The following MAP2K5 variants were observed in gnomAD, a reference collection of about 807,000 sequenced individuals.
MAP2K5 encodes dual specificity mitogen-activated protein kinase kinase 5.
In MAP2K5, 49 loss-of-function variants were observed where a neutral mutation model predicts 83.1. That is an observed-to-expected ratio of 0.59 (90% confidence interval 0.47 to 0.75). MAP2K5 has a LOEUF of 0.75. Ranked by LOEUF, MAP2K5 falls within the 30% of genes least tolerant of loss-of-function variation. MAP2K5 has a pLI of 0.00. For synonymous variants in MAP2K5, 202 were observed against 191.8 expected (o/e 1.05, Z -0.44); for missense variants, 457 against 557.5 (o/e 0.82, Z 1.82).
chr15:67,596,952 A>G (rs1421944287), intron 7 of MAP2K5, among the ~76,000 whole-genome samples: 1 of 152,180 alleles, frequency 6.6e-6, no homozygotes, highest in African/African-American at 2.4e-5. Context: ...CGGGCGGATC[A>G]CGAGGTCAGG....
rs369780854 is a variant in MAP2K5, at chr15:67,543,329, A to G, written c.-7A>G. The G allele has an allele frequency of 4.0e-5, 65 of 1,613,850 alleles. No homozygotes were observed. The East Asian group carries it at 1.3e-3, about 33-fold the overall frequency. ...ATACCCCAGGATGTGAGCCTCTTTAACCTGTAATGCTGTGGCTAGCCCTTG... is the reference window on the plus strand; with the variant it reads ...ATACCCCAGGATGTGAGCCTCTTTAGCCTGTAATGCTGTGGCTAGCCCTTG... On this transcript the variant is annotated 5_prime_UTR_variant, in exon 1 of 22. Coordinates refer to ENST00000178640, the MANE Select transcript of MAP2K5 (RefSeq NM_145160.3). This position sits in a 1 kb window ranked among gnomAD's most constrained non-coding sequence, Gnocchi z 4.3.
In MAP2K5 at chr15:67,543,583, C is replaced by A. The variant is rs2084338259; in HGVS notation, c.135+113C>A. The A allele has an allele frequency of 8.0e-7, 1 of 1,244,768 alleles. No homozygotes were observed. The highest frequency in any genetic ancestry group is 1.4e-5 in the South Asian group (1 of 73,888). 77.1% of individuals were successfully genotyped at this position (1,244,768 alleles called of 1,614,324 possible). A position where few individuals can be genotyped will look rare whatever the true frequency, so the allele number is the denominator to read the frequency against. Reference sequence around the variant, plus strand: ...AGTGGCAATGGCTACTGCTGGCTTCCTGTGGAGGCAGTTTTATTGCTTCAG... The same window carrying A: ...AGTGGCAATGGCTACTGCTGGCTTCATGTGGAGGCAGTTTTATTGCTTCAG... On this transcript the variant is annotated intron_variant, in intron 1 of 21. Coordinates refer to ENST00000178640, the MANE Select transcript of MAP2K5 (RefSeq NM_145160.3). The surrounding 1 kb of genome is among the most constrained non-coding windows in gnomAD (Gnocchi z 4.3).
intron 8 of MAP2K5, among the ~76,000 whole-genome samples, chr15:67,617,134 C>T (rs1018840101): frequency 6.6e-6 from 1 of 152,068 alleles, no homozygotes; most frequent in Non-Finnish European, 1.5e-5. Flanking sequence ...GGGGTATTTC[C>T]GTGCTCATTT....
At position 67,770,040 on chromosome 15, in the gene MAP2K5, CT is replaced by C. The variant is rs3837739; in HGVS notation, c.1196+379del. ...AACCTCAAGTTACCCATAAAACTGT[CT>C]TGTCACTTAGTGGAAGCAGCATAGT... On this transcript the variant is annotated intron_variant, in intron 20 of 21. Transcript: ENST00000178640. The surrounding 1 kb of genome is among the most constrained non-coding windows in gnomAD (Gnocchi z 5.0). 0.094 allele frequency: 15,497 copies of C among 164,068 alleles called. 853 individuals carry two copies. The highest frequency in any genetic ancestry group is 0.1 in the Admixed American group (1,686 of 16,110). The allele number at this position is 164,068 out of a possible 1,614,324, so 10.2% of individuals were successfully genotyped here. A position where few individuals can be genotyped will look rare whatever the true frequency, so the allele number is the denominator to read the frequency against.
intron 20 of MAP2K5, among the ~76,000 whole-genome samples, chr15:67,771,837 G>A (rs1241478576): frequency 6.6e-6 from 1 of 152,092 alleles, no homozygotes; most frequent in Non-Finnish European, 1.5e-5. Context: ...GCCTTATAAA[G>A]AAAAAAGCAT....
chr15:67,564,125 T>C (rs757158122), intron 3 of MAP2K5, among the ~76,000 whole-genome samples: 3 of 152,218 alleles, frequency 2.0e-5, no homozygotes, highest in East Asian at 1.9e-4. Context: ...AGAAAGAGCA[T>C]TGGACTGGAA....
At chr15:67,581,088 G>T (rs1015057350) in intron 4 of MAP2K5, among the ~76,000 whole-genome samples, 6 of 151,994 alleles carry the variant, frequency 3.9e-5, no homozygotes, top group African/African-American at 1.5e-4. Flanking sequence ...AACTCTTTTG[G>T]GGGTCCACAT....
chr15:67,616,694 C>T (rs538600936), intron 8 of MAP2K5, among the ~76,000 whole-genome samples: 1 of 152,260 alleles, frequency 6.6e-6, no homozygotes, highest in African/African-American at 2.4e-5. Flanking sequence ...TCTACCTGTT[C>T]TCTGAGAGAC....
rs191666637 is a variant in MAP2K5, at chr15:67,704,675, G to A, written c.1044+1267G>A. 1.2e-4 allele frequency among the ~76,000 whole-genome samples: 18 copies of A among 152,286 alleles called. 1 individual carries two copies. The highest frequency in any genetic ancestry group is 4.3e-4 in the African/African-American group (18 of 41,554). The stretch of plus-strand genomic sequence containing the variant: ...TACAATATGTATGCATCAGCTGAGA[G>A]GTTAGCGATAATGGTGGTCAGATCT... On this transcript the variant is annotated intron_variant, in intron 16 of 21. Transcript: ENST00000178640.
At chr15:67,787,821 C>T (rs1226820136) in intron 21 of MAP2K5, among the ~76,000 whole-genome samples, 2 of 152,192 alleles carry the variant, frequency 1.3e-5, no homozygotes, top group Non-Finnish European at 2.9e-5. Flanking sequence ...TAACTGTAGG[C>T]TTTAACTGCA....
At chr15:67,608,957 T>A (rs1341960338) in intron 8 of MAP2K5, among the ~76,000 whole-genome samples, 9 of 152,144 alleles carry the variant, frequency 5.9e-5, no homozygotes, top group Admixed American at 5.9e-4. Flanking sequence ...TTTCAGGAAT[T>A]TACCTGCAGA....
intron 11 of MAP2K5, among the ~76,000 whole-genome samples, chr15:67,646,955 C>T (rs2086845386): frequency 6.6e-6 from 1 of 152,168 alleles, no homozygotes; most frequent in South Asian, 2.1e-4. Flanking sequence ...TTAGCCCTTT[C>T]CTTCCCTCTC....
At chr15:67,745,014 C>G (rs1168067463) in intron 17 of MAP2K5, among the ~76,000 whole-genome samples, 1 of 151,826 alleles carries the variant, frequency 6.6e-6, no homozygotes, top group Admixed American at 6.6e-5. Flanking sequence ...AATCTTGAAT[C>G]TAACAGCTAA....
Position 67,652,924 on chromosome 15 carries a change from T to C in MAP2K5, c.737-5629T>C, listed in dbSNP as rs1244341207. On this transcript the variant is annotated intron_variant, in intron 11 of 21. Coordinates refer to ENST00000178640, the MANE Select transcript of MAP2K5 (RefSeq NM_145160.3). The surrounding 1 kb of genome is among the most constrained non-coding windows in gnomAD (Gnocchi z 4.2). The stretch of plus-strand genomic sequence containing the variant: ...GTCTGGCTTATTTCATTTTGCATTA[T>C]GTCCTTAAGAGTCATCCATGTTGTA... Among the ~76,000 whole-genome samples the C allele has an allele frequency of 2.6e-5, 4 of 152,230 alleles. No individual in the cohort carries two copies. Among genetic ancestry groups the C allele is most frequent in the Non-Finnish European group, 5.9e-5 (4 of 68,048 alleles).
intron 21 of MAP2K5, among the ~76,000 whole-genome samples, chr15:67,799,508 T>C (rs2090664668): frequency 6.6e-6 from 1 of 152,262 alleles, no homozygotes; most frequent in Non-Finnish European, 1.5e-5. Flanking sequence ...TGCAGACAGC[T>C]GCCCTGTGTT....
intron 12 of MAP2K5, among the ~76,000 whole-genome samples, chr15:67,662,488 G>C (rs1185036501): frequency 6.6e-6 from 1 of 152,150 alleles, no homozygotes; most frequent in Non-Finnish European, 1.5e-5. Context: ...TTGACCAATA[G>C]TGATTTGTTC....
intron 9 of MAP2K5, chr15:67,642,553 G>A: frequency 2.0e-6 from 2 of 1,011,224 alleles, no homozygotes; most frequent in Non-Finnish European, 3.2e-6. Flanking sequence ...GATAGAACAG[G>A]TTTTTTCAAT....
rs1176170364 is a variant in MAP2K5 at position 67,577,772 on chromosome 15, A to G, written c.253-2982A>G. 6.6e-6 allele frequency among the ~76,000 whole-genome samples: 1 copy of G among 152,144 alleles called. No individual in the cohort carries two copies. Among genetic ancestry groups the G allele is most frequent in the Non-Finnish European group, 1.5e-5 (1 of 67,998 alleles). On this transcript the variant is annotated intron_variant, in intron 3 of 21. Coordinates refer to ENST00000178640, the MANE Select transcript of MAP2K5 (RefSeq NM_145160.3). This position sits in a 1 kb window ranked among gnomAD's most constrained non-coding sequence, Gnocchi z 4.1. ...TCCCAGCACTTTGGGAGGCCAAGGC[A>G]GGTGGATCACCTGAGGTCAGGAGTT...
chr15:67,724,528 G>A lies in MAP2K5; in HGVS notation c.1045-3388G>A, dbSNP rs1229318932. On this transcript the variant is annotated intron_variant, in intron 16 of 21. Coordinates refer to ENST00000178640, the MANE Select transcript of MAP2K5 (RefSeq NM_145160.3). This position sits in a 1 kb window ranked among gnomAD's most constrained non-coding sequence, Gnocchi z 4.4. ...TCCCACACTAGCCTCCCAAGCAGCT[G>A]TGACTACAGACACGTGCCACCACAC... Among the ~76,000 whole-genome samples the A allele has an allele frequency of 6.6e-6, 1 of 152,108 alleles. No homozygotes were observed. Among genetic ancestry groups the A allele is most frequent in the Non-Finnish European group, 1.5e-5 (1 of 68,024 alleles).
Sources: allele counts gnomAD v4.1 joint callset (sites outside exome capture counted in the v4.1 genomes callset), GRCh38; gene constraint gnomAD v4.1.1; non-coding constraint Gnocchi (gnomAD v3.1); transcripts MANE v1.5; gene names NCBI Gene and HGNC (gene_info 2026-07-23, HGNC 2026-07-21).